The following MEIKIN variants were observed in gnomAD, a reference collection of about 807,000 sequenced individuals.
MEIKIN encodes meiosis-specific kinetochore protein.
intron 11 of MEIKIN, among the ~76,000 whole-genome samples, chr5:131,842,449 C>T (rs996254892): frequency 2.6e-5 from 4 of 152,054 alleles, no homozygotes; most frequent in African/African-American, 7.2e-5. Context: ...CATTAATGGC[C>T]TTTATTGTGT....
At chr5:131,847,845 T>G (rs539309196) in intron 11 of MEIKIN, among the ~76,000 whole-genome samples, 3 of 151,982 alleles carry the variant, frequency 2.0e-5, no homozygotes, top group African/African-American at 7.2e-5. Flanking sequence ...CAAAATAGAA[T>G]GAAGTCATTA....
chr5:131,873,436 CAAG>C (rs1750544750), intron 9 of MEIKIN, among the ~76,000 whole-genome samples: 4 of 152,178 alleles, frequency 2.6e-5, no homozygotes, highest in Admixed American at 2.6e-4. Context: ...ATCAATTCAA[CAAG>C]AAGAACTAAC....
intron 11 of MEIKIN, among the ~76,000 whole-genome samples, chr5:131,838,961 ATCTT>A (rs1481754339): frequency 6.6e-6 from 1 of 152,036 alleles, no homozygotes; most frequent in African/African-American, 2.4e-5. Context: ...TTAATCTGAA[ATCTT>A]TCTAATTTTT....
chr5:131,878,865 AC>A, intron 9 of MEIKIN, 112 bp downstream of exon 9: 1 of 358,878 alleles, frequency 2.8e-6, no homozygotes, highest in Non-Finnish European at 4.8e-6. Flanking sequence ...ACAGAATGAG[AC>A]CCCATTTCTT....
Position 131,818,765 on chromosome 5 carries a change from A to G in MEIKIN, c.1074T>C (p.Tyr358=), listed in dbSNP as rs1773147201. The G allele has an allele frequency of 2.5e-6, 1 of 398,142 alleles. No individual in the cohort carries two copies. Among genetic ancestry groups the G allele is most frequent in the Non-Finnish European group, 4.4e-6 (1 of 225,800 alleles). 24.7% of individuals were successfully genotyped at this position (398,142 alleles called of 1,614,324 possible). ...NKGVIVKKKK[Y]SLPKDTPQDI... ...CTTGAGGGGTATCCTTAGGAAGAGA[A>G]TATTTCTTCTTCTTTACAATAACAC... The change falls in exon 12 of 13, where the codon TAT becomes TAC. Residue 358 remains tyrosine (Y), a synonymous_variant. Coordinates refer to ENST00000442687, the MANE Select transcript of MEIKIN (RefSeq NM_001303622.2).
At chr5:131,829,816 G>T (rs1561724924) in intron 11 of MEIKIN, among the ~76,000 whole-genome samples, 1 of 152,126 alleles carries the variant, frequency 6.6e-6, no homozygotes, top group Non-Finnish European at 1.5e-5. Context: ...GACAAGAAAT[G>T]CCTGAGTTTA....
intron 3 of MEIKIN, among the ~76,000 whole-genome samples, chr5:131,943,164 T>A (rs1322615200): frequency 6.6e-6 from 1 of 152,144 alleles, no homozygotes; most frequent in African/African-American, 2.4e-5. Context: ...TTAATAGACA[T>A]TTCACAAAAC....
intron 8 of MEIKIN, among the ~76,000 whole-genome samples, chr5:131,879,995 C>T (rs555701684): frequency 7.2e-4 from 109 of 152,242 alleles, no homozygotes; most frequent in Middle Eastern, 3.4e-3. Flanking sequence ...TCCGGGCTCA[C>T]GGCAAACTCC....
intron 11 of MEIKIN, among the ~76,000 whole-genome samples, chr5:131,827,501 A>G (rs1241716419): frequency 6.6e-6 from 1 of 152,190 alleles, no homozygotes; most frequent in Non-Finnish European, 1.5e-5. Context: ...ACATAAGGCT[A>G]TGAGAAGGTT....
At chr5:131,911,048 C>T (rs976962186) in intron 8 of MEIKIN, among the ~76,000 whole-genome samples, 3 of 152,054 alleles carry the variant, frequency 2.0e-5, no homozygotes, top group African/African-American at 7.2e-5. Context: ...TCTTCCAATG[C>T]TAACCCTCCA....
chr5:131,892,348 T>C lies in MEIKIN; in HGVS notation c.704-13300A>G, dbSNP rs188049863. On this transcript the variant is annotated intron_variant, in intron 8 of 12. Coordinates refer to ENST00000442687, the MANE Select transcript of MEIKIN (RefSeq NM_001303622.2). The stretch of plus-strand genomic sequence containing the variant: ...TTCCATTCTCCCCGTCACTTTCAGG[T>C]ACACCAATCAGACGTAATTTGGTCT... 4.7e-3 allele frequency among the ~76,000 whole-genome samples: 710 copies of C among 152,332 alleles called. 8 individuals are homozygous for C. Among genetic ancestry groups the C allele is most frequent in the African/African-American group, 0.016 (674 of 41,570 alleles).
At chr5:131,914,890 G>A (rs558556819) in intron 7 of MEIKIN, among the ~76,000 whole-genome samples, 1 of 152,228 alleles carries the variant, frequency 6.6e-6, no homozygotes, top group African/African-American at 2.4e-5. Flanking sequence ...GATGACATTA[G>A]AAGAGATGAA....
intron 9 of MEIKIN, among the ~76,000 whole-genome samples, chr5:131,869,944 C>G (rs1750456435): frequency 6.6e-6 from 1 of 152,196 alleles, no homozygotes; most frequent in African/African-American, 2.4e-5. Flanking sequence ...CTGATGAACT[C>G]AAGAAAAACT....
intron 11 of MEIKIN, among the ~76,000 whole-genome samples, chr5:131,835,213 TATATATATGTGTATATATA>T (rs1749784647): frequency 6.6e-6 from 1 of 151,342 alleles, no homozygotes; most frequent in Non-Finnish European, 1.5e-5. Flanking sequence ...TATATGTGTG[TATATATATGTGTATATATA>T]TGTATATATG....
At chr5:131,833,121 T>C (rs1205811170) in intron 11 of MEIKIN, among the ~76,000 whole-genome samples, 3 of 152,200 alleles carry the variant, frequency 2.0e-5, no homozygotes, top group African/African-American at 4.8e-5. Flanking sequence ...TTTTATGCCG[T>C]TTCTCTTTTA....
chr5:131,812,078 C>A (rs1196614583), intron 12 of MEIKIN, among the ~76,000 whole-genome samples: 2 of 152,194 alleles, frequency 1.3e-5, no homozygotes, highest in African/African-American at 4.8e-5. Context: ...CCAACAAGGG[C>A]ATCCACTATC....
chr5:131,814,338 G>A (rs1280659214), intron 12 of MEIKIN, among the ~76,000 whole-genome samples: 4 of 149,752 alleles, frequency 2.7e-5, no homozygotes, highest in Non-Finnish European at 5.9e-5. Context: ...GTGCAGTGGC[G>A]TGATTACAGC....
intron 12 of MEIKIN, among the ~76,000 whole-genome samples, chr5:131,817,135 G>C (rs1408787658): frequency 6.6e-6 from 1 of 152,028 alleles, no homozygotes; most frequent in African/African-American, 2.4e-5. Flanking sequence ...CTTGTCCTTG[G>C]ACCTTAGAAC....
chr5:131,829,468 C>T (rs1426961412), intron 11 of MEIKIN, among the ~76,000 whole-genome samples: 2 of 151,990 alleles, frequency 1.3e-5, no homozygotes, highest in Non-Finnish European at 2.9e-5. Flanking sequence ...CAATAGCACC[C>T]TATGGGAGAA....
Sources: gnomAD v4.1 joint callset for allele counts (sites outside exome capture counted in the v4.1 genomes callset) on GRCh38, gnomAD v4.1.1 for gene constraint, MANE v1.5 for transcripts, NCBI Gene and HGNC (gene_info 2026-07-23, HGNC 2026-07-21) for gene names.